DLG2: variants seen among roughly 807,000 people sequenced by gnomAD.
DLG2 encodes discs large MAGUK scaffold protein 2.
In DLG2, 45 loss-of-function variants were observed where a neutral mutation model predicts 132.5. That is an observed-to-expected ratio of 0.34 (90% confidence interval 0.27 to 0.44). The LOEUF is 0.44. Among genes scored for constraint, DLG2 ranks in the 20% least tolerant of loss-of-function variants. The pLI, the probability that DLG2 is intolerant of heterozygous loss-of-function variation, is 1.00. For synonymous variants in DLG2, 424 were observed against 419.6 expected, an observed-to-expected ratio of 1.01 and a Z score of -0.13; for missense variants, 1,045 against 1,196.9, an observed-to-expected ratio of 0.87 and a Z score of 1.87.
At chr11:84,012,240 C>G (rs960624869) in intron 11 of DLG2, among the ~76,000 whole-genome samples, 1 of 152,096 alleles carries the variant, frequency 6.6e-6, no homozygotes, top group Admixed American at 6.5e-5. Context: ...TATTGTTTCT[C>G]TGGTCTCAGG....
intron 7 of DLG2, among the ~76,000 whole-genome samples, chr11:84,427,781 C>T (rs1489205717): frequency 6.6e-6 from 1 of 152,148 alleles, no homozygotes; most frequent in Non-Finnish European, 1.5e-5. Context: ...TCACATAGAT[C>T]TGCACTGCTA....
chr11:84,510,739 T>C (rs1483946379), intron 7 of DLG2, among the ~76,000 whole-genome samples: 1 of 152,228 alleles, frequency 6.6e-6, no homozygotes, highest in Non-Finnish European at 1.5e-5. Context: ...GTTTTATTCA[T>C]CTTTTATTCT....
At chr11:83,551,478 C>T (rs1253678957) in intron 19 of DLG2, among the ~76,000 whole-genome samples, 1 of 152,128 alleles carries the variant, frequency 6.6e-6, no homozygotes, top group East Asian at 1.9e-4. Flanking sequence ...AATGACTCCT[C>T]CAAATCCTTA....
intron 8 of DLG2, among the ~76,000 whole-genome samples, chr11:84,180,314 T>C (rs1404240672): frequency 6.6e-6 from 1 of 151,688 alleles, no homozygotes; most frequent in African/African-American, 2.4e-5. Context: ...AACTTCCAAA[T>C]TGAAAAACAG....
intron 4 of DLG2, among the ~76,000 whole-genome samples, chr11:85,252,051 A>C (rs1295993082): frequency 1.3e-5 from 2 of 152,346 alleles, no homozygotes; most frequent in African/African-American, 2.4e-5. Context: ...GAGTTTCCTC[A>C]GGCCAAGGCA....
intron 6 of DLG2, among the ~76,000 whole-genome samples, chr11:85,100,158 T>C (rs907324651): frequency 2.6e-5 from 4 of 152,158 alleles, no homozygotes; most frequent in Non-Finnish European, 5.9e-5. Flanking sequence ...TATCTTACAC[T>C]ATCTGAGGTA....
At chr11:84,365,241 G>T (rs1057477118) in intron 7 of DLG2, among the ~76,000 whole-genome samples, 12 of 152,212 alleles carry the variant, frequency 7.9e-5, no homozygotes, top group African/African-American at 2.9e-4. Context: ...TTAGTCTTGG[G>T]AGAGTGTATG....
intron 16 of DLG2, among the ~76,000 whole-genome samples, chr11:83,854,100 C>G (rs1448457429): frequency 6.6e-6 from 1 of 151,882 alleles, no homozygotes. Flanking sequence ...AAAGCGAAAA[C>G]TGAAATTACA....
At chr11:83,541,993 A>T (rs1232603260) in intron 19 of DLG2, 135 bp from the exon 20 acceptor site, 1 of 807,724 alleles carries the variant, frequency 1.2e-6, no homozygotes, top group African/African-American at 1.8e-5. Context: ...GATTCCCTGG[A>T]TCACAGTCCA....
rs184919742 is a variant in DLG2, at chr11:85,004,405, C to T, written c.357+107256G>A. ...TGTTGTTTCCTGACTTTTTAATGAT[C>T]GCCATTCTAGCTGGTGTGAGATGGT... On this transcript the variant is annotated intron_variant, in intron 6 of 27. Coordinates refer to ENST00000376104, the MANE Select transcript of DLG2 (RefSeq NM_001142699.3). 1.2e-3 allele frequency among the ~76,000 whole-genome samples: 177 copies of T among 152,122 alleles called. 1 individual carries two copies. The highest frequency in any genetic ancestry group is 4.0e-3 in the African/African-American group (164 of 41,508).
rs201854143 is a variant in DLG2, at chr11:83,507,484, C to T, written c.2194-23256G>A. 5.6e-4 allele frequency among the ~76,000 whole-genome samples: 79 copies of T among 140,184 alleles called. 1 individual carries two copies. In the East Asian group the frequency reaches 0.014, roughly 26 times the overall value. The allele number at this position is 140,184 out of a possible 152,430, so 92.0% of individuals were successfully genotyped here. ...TATATATACCCTATATATATATATC[C>T]ATATATATACACATATATATCCTCT... On this transcript the variant is annotated intron_variant, in intron 21 of 27. Transcript: ENST00000376104.
intron 4 of DLG2, among the ~76,000 whole-genome samples, chr11:85,251,510 T>A (rs2076394591): frequency 6.6e-6 from 1 of 152,162 alleles, no homozygotes; most frequent in Non-Finnish European, 1.5e-5. Context: ...TGATACAGAT[T>A]TTTTTCAAAT....
At chr11:85,407,243 A>G (rs1347960291) in intron 3 of DLG2, among the ~76,000 whole-genome samples, 2 of 151,898 alleles carry the variant, frequency 1.3e-5, no homozygotes, top group Non-Finnish European at 2.9e-5. Flanking sequence ...AATTTTTAGC[A>G]GAGAAGAAAC....
intron 6 of DLG2, among the ~76,000 whole-genome samples, chr11:84,880,609 A>C (rs1035776200): frequency 3.9e-5 from 6 of 152,142 alleles, no homozygotes; most frequent in African/African-American, 1.4e-4. Flanking sequence ...AAGCAGTATG[A>C]TAATATACCC....
At chr11:85,468,226 C>A (rs370199869) in intron 3 of DLG2, among the ~76,000 whole-genome samples, 1 of 152,022 alleles carries the variant, frequency 6.6e-6, no homozygotes, top group Admixed American at 6.6e-5. Flanking sequence ...GTCTTGCTAG[C>A]AGGCTATCAA....
intron 3 of DLG2, among the ~76,000 whole-genome samples, chr11:85,501,645 CT>C (rs2153129496): frequency 6.6e-6 from 1 of 152,176 alleles, no homozygotes; most frequent in East Asian, 1.9e-4. Context: ...AGACATTTAG[CT>C]AGCCAACAGA....
chr11:84,951,259 G>A (rs747305913), intron 6 of DLG2, among the ~76,000 whole-genome samples: 2 of 152,126 alleles, frequency 1.3e-5, no homozygotes, highest in Non-Finnish European at 2.9e-5. Flanking sequence ...ATCTTTACAA[G>A]CATCCTATAT....
intron 8 of DLG2, among the ~76,000 whole-genome samples, chr11:84,211,646 A>G (rs1285456970): frequency 6.6e-6 from 1 of 152,236 alleles, no homozygotes; most frequent in Non-Finnish European, 1.5e-5. Context: ...GGTAAAAACA[A>G]TACTAAAAAA....
At chr11:84,261,253 C>G (rs2097544717) in intron 7 of DLG2, among the ~76,000 whole-genome samples, 1 of 152,152 alleles carries the variant, frequency 6.6e-6, no homozygotes, top group Non-Finnish European at 1.5e-5. Flanking sequence ...CTCTCTTTTC[C>G]TCCCACCAGG....
Sources: allele counts gnomAD v4.1 joint callset (sites outside exome capture counted in the v4.1 genomes callset), GRCh38; gene constraint gnomAD v4.1.1; transcripts MANE v1.5; gene names NCBI Gene and HGNC (gene_info 2026-07-23, HGNC 2026-07-21).